Variants in SOX5 observed in about 807,000 individuals in gnomAD.
SOX5 encodes SRY-box transcription factor 5.
Under a neutral mutation model 92.0 loss-of-function variants are expected in SOX5, and 9 were observed. The ratio of observed to expected loss-of-function variants is 0.10; its 90% CI spans 0.06 to 0.17. SOX5 has a LOEUF of 0.17. Among genes scored for constraint, SOX5 ranks in the 10% least tolerant of loss-of-function variants. The pLI is 1.00. For synonymous variants in SOX5, 344 were observed against 336.3 expected (o/e 1.02, Z -0.25); for missense variants, 642 against 944.5 (o/e 0.68, Z 4.20).
At chr12:23,811,348 T>C (rs1255633274) in intron 3 of SOX5, among the ~76,000 whole-genome samples, 3 of 152,154 alleles carry the variant, frequency 2.0e-5, no homozygotes, top group Non-Finnish European at 4.4e-5. Context: ...ACACATATTA[T>C]ATAAAATGAA....
At chr12:24,504,534 C>T (rs1469766778) in intron 1 of SOX5, among the ~76,000 whole-genome samples, 1 of 152,086 alleles carries the variant, frequency 6.6e-6, no homozygotes, top group African/African-American at 2.4e-5. Flanking sequence ...AGCATGCCAC[C>T]ATTTCTTTCA....
At position 24,263,527 on chromosome 12, in the gene SOX5, C is replaced by CAAAAAAAAAAAAAAAAAA. The variant is rs386375915; in HGVS notation, c.-77+13688_-77+13689insTTTTTTTTTTTTTTTTTT. ...TGGGCGACAGAGCGAGACTCCGTCT[C>CAAAAAAAAAAAAAAAAAA]AAAAAAAAAAAAACAAAAAAAAAAA... is the stretch of plus-strand genomic sequence containing the variant. On this transcript the variant is annotated intron_variant, in intron 3 of 4. Transcript: ENST00000446891. Among the ~76,000 whole-genome samples, 10 of 63,240 alleles carry CAAAAAAAAAAAAAAAAAA rather than the reference C, an allele frequency of 1.6e-4. 1 individual carries two copies. Among genetic ancestry groups the CAAAAAAAAAAAAAAAAAA allele is most frequent in the East Asian group, 6.7e-4 (1 of 1,486 alleles). The allele number at this position is 63,240 out of a possible 152,430, so 41.5% of individuals were successfully genotyped here.
At chr12:24,309,336 C>T (rs957809938) in intron 2 of SOX5, among the ~76,000 whole-genome samples, 1 of 152,144 alleles carries the variant, frequency 6.6e-6, no homozygotes, top group Non-Finnish European at 1.5e-5. Context: ...TTCTTTCTAG[C>T]AGGTTAAGAC....
intron 9 of SOX5, chr12:23,604,185 A>G (rs73273902): frequency 0.031 from 16,970 of 549,940 alleles, 2,170 homozygotes; most frequent in African/African-American, 0.28. Flanking sequence ...TTATCGATAC[A>G]CGCATATTGA....
At chr12:23,736,614 T>C (rs2093604496) in intron 5 of SOX5, among the ~76,000 whole-genome samples, 1 of 151,980 alleles carries the variant, frequency 6.6e-6, no homozygotes, top group African/African-American at 2.4e-5. Context: ...TGGATGATGG[T>C]TTAATTATAA....
At chr12:24,546,679 A>C (rs893288374) in intron 1 of SOX5, among the ~76,000 whole-genome samples, 13 of 152,218 alleles carry the variant, frequency 8.5e-5, no homozygotes, top group African/African-American at 2.9e-4. Flanking sequence ...CAGAACATCC[A>C]AGGGCAAATA....
chr12:23,854,938 A>C (rs1173105165), intron 2 of SOX5, among the ~76,000 whole-genome samples: 2 of 152,148 alleles, frequency 1.3e-5, no homozygotes, highest in Non-Finnish European at 2.9e-5. Context: ...ATGAGCTATA[A>C]AATTCATAAA....
chr12:24,056,642 A>C (rs1296123241), intron 4 of SOX5, among the ~76,000 whole-genome samples: 5 of 152,012 alleles, frequency 3.3e-5, no homozygotes, highest in Non-Finnish European at 2.9e-5. Flanking sequence ...ACAAACTTCT[A>C]TGGGCCTCTT....
intron 1 of SOX5, among the ~76,000 whole-genome samples, chr12:24,416,915 C>T (rs1199468314): frequency 6.6e-6 from 1 of 152,158 alleles, no homozygotes; most frequent in Non-Finnish European, 1.5e-5. Flanking sequence ...CATTGAGAAA[C>T]CATGCTGCTT....
At chr12:23,957,883 T>G (rs1316904274) in intron 4 of SOX5, among the ~76,000 whole-genome samples, 3 of 152,112 alleles carry the variant, frequency 2.0e-5, no homozygotes, top group African/African-American at 7.2e-5. Flanking sequence ...ACTGCATATT[T>G]TCATAAATAA....
At position 23,895,204 on chromosome 12, in the gene SOX5, G is replaced by C. The variant is rs1215591249; in HGVS notation, c.270+589C>G. The stretch of plus-strand genomic sequence containing the variant: ...TCCAGAGTTGCATATTCCAGAATAG[G>C]ATGCAAAAAAAAAAAAAAAAAAAAT... On this transcript the variant is annotated intron_variant, in intron 2 of 14. Transcript: ENST00000451604. 9.0e-5 allele frequency among the ~76,000 whole-genome samples: 7 copies of C among 77,836 alleles called. No homozygotes were observed. In the East Asian group the frequency reaches 2.4e-3, roughly 27 times the overall value. 51.1% of individuals were successfully genotyped at this position (77,836 alleles called of 152,430 possible). A position where few individuals can be genotyped will look rare whatever the true frequency, so the allele number is the denominator to read the frequency against.
chr12:23,848,283 A>G (rs2096596482), intron 2 of SOX5, among the ~76,000 whole-genome samples: 1 of 152,212 alleles, frequency 6.6e-6, no homozygotes, highest in African/African-American at 2.4e-5. Context: ...ATATCAAAAA[A>G]TATCCAGATA....
intron 3 of SOX5, among the ~76,000 whole-genome samples, chr12:24,214,077 T>C (rs1190768897): frequency 6.6e-6 from 1 of 152,030 alleles, no homozygotes; most frequent in Non-Finnish European, 1.5e-5. Flanking sequence ...GGAATACATG[T>C]ATATGTATAA....
intron 4 of SOX5, among the ~76,000 whole-genome samples, chr12:24,061,466 A>G (rs565818320): frequency 5.9e-5 from 9 of 152,014 alleles, no homozygotes; most frequent in South Asian, 2.1e-4. Context: ...GGTCATATCC[A>G]TAATCCAAAT....
chr12:23,692,132 T>C (rs563851511), intron 6 of SOX5, among the ~76,000 whole-genome samples: 2 of 152,274 alleles, frequency 1.3e-5, no homozygotes, highest in Admixed American at 1.3e-4. Context: ...TGTCTACTGA[T>C]TATTTAAAAA....
intron 1 of SOX5, among the ~76,000 whole-genome samples, chr12:23,897,207 C>T (rs1167346205): frequency 6.6e-6 from 1 of 152,060 alleles, no homozygotes; most frequent in Non-Finnish European, 1.5e-5. Flanking sequence ...TACCACAACA[C>T]TTCCTTCATA....
intron 4 of SOX5, among the ~76,000 whole-genome samples, chr12:23,965,810 C>T (rs551508963): frequency 5.9e-5 from 9 of 151,838 alleles, no homozygotes; most frequent in Non-Finnish European, 8.8e-5. Context: ...GTTGAGATGG[C>T]GTTTCACTAT....
intron 4 of SOX5, among the ~76,000 whole-genome samples, chr12:24,191,564 C>A (rs922137856): frequency 2.6e-5 from 4 of 152,188 alleles, no homozygotes; most frequent in African/African-American, 4.8e-5. Flanking sequence ...TGACCAGATA[C>A]GTTCCTACAG....
intron 1 of SOX5, among the ~76,000 whole-genome samples, chr12:24,389,105 C>T (rs1004913436): frequency 6.6e-6 from 1 of 151,984 alleles, no homozygotes; most frequent in African/African-American, 2.4e-5. Flanking sequence ...ATCCCTCCCC[C>T]CTCCTCCCAC....
Sources: allele counts gnomAD v4.1 joint callset (sites outside exome capture counted in the v4.1 genomes callset), GRCh38; gene constraint gnomAD v4.1.1; transcripts MANE v1.5; gene names NCBI Gene and HGNC (gene_info 2026-07-23, HGNC 2026-07-21).